The following OAT variants were observed in gnomAD, a reference collection of about 807,000 sequenced individuals.
OAT encodes ornithine aminotransferase, also known as ornithine aminotransferase, mitochondrial.
A neutral mutation model predicts 48.4 loss-of-function variants in OAT; 35 were observed. That is an observed-to-expected ratio of 0.72 (90% CI 0.55 to 0.96). The LOEUF (loss-of-function observed/expected upper bound fraction) is 0.96. OAT is among the 40% of genes least tolerant of loss of function. OAT has a pLI of 0.00. For synonymous variants in OAT, 182 were observed against 198.4 expected (o/e 0.92, Z 0.70); for missense variants, 438 against 537.9 (o/e 0.81, Z 1.84).
At chr10:124,409,875 C>G (rs979916003) in intron 2 of OAT, among the ~76,000 whole-genome samples, 7 of 152,124 alleles carry the variant, frequency 4.6e-5, no homozygotes, top group African/African-American at 1.7e-4. Flanking sequence ...GAGATACCAT[C>G]TCATACTCCC....
At chr10:124,399,106 A>C (rs1262104385) in intron 9 of OAT, among the ~76,000 whole-genome samples, 3 of 152,106 alleles carry the variant, frequency 2.0e-5, no homozygotes, top group Non-Finnish European at 4.4e-5. Context: ...ACAGATGATT[A>C]ACTGACATAA....
At chr10:124,406,860 T>TGG (rs1199437172) in intron 4 of OAT, 1 of 508,296 alleles carries the variant, frequency 2.0e-6, no homozygotes, top group Non-Finnish European at 2.5e-6. Context: ...GCAAGATCCC[T>TGG]ATCCTCAGGG....
chr10:124,403,713 G>A, intron 6 of OAT, 85 bp downstream of exon 6: 2 of 1,556,734 alleles, frequency 1.3e-6, no homozygotes, highest in South Asian at 2.2e-5. Flanking sequence ...AGAATTCAGA[G>A]AGGAGTTGGG....
intron 4 of OAT, chr10:124,407,276 C>T: frequency 1.0e-6 from 1 of 985,524 alleles, no homozygotes; most frequent in Non-Finnish European, 1.2e-6. Context: ...TCCTCAGTCA[C>T]TTACCCTGCA....
chr10:124,401,481 G>A (rs986767905), intron 8 of OAT, among the ~76,000 whole-genome samples: 2 of 152,244 alleles, frequency 1.3e-5, no homozygotes, highest in African/African-American at 2.4e-5. Context: ...GCCAGCCAGG[G>A]CCGAAGAACT....
At chr10:124,417,962 G>A (rs747476347) in intron 1 of OAT, among the ~76,000 whole-genome samples, 29 of 152,236 alleles carry the variant, frequency 1.9e-4, no homozygotes, top group Non-Finnish European at 4.1e-4. Flanking sequence ...CGAGTGCCCA[G>A]GTGACTTCGG....
intron 1 of OAT, chr10:124,414,047 A>T (rs1241841157): frequency 6.7e-6 from 1 of 148,916 alleles, no homozygotes. Context: ...AAAAAAAAAA[A>T]GCTTAAAGAT....
At chr10:124,406,223 G>T in intron 4 of OAT, 1 of 676,170 alleles carries the variant, frequency 1.5e-6, no homozygotes, top group Non-Finnish European at 1.8e-6. Context: ...AGGCACAGTG[G>T]CTCACTTATG....
At chr10:124,407,126 T>C in intron 4 of OAT, 2 of 985,442 alleles carry the variant, frequency 2.0e-6, no homozygotes, top group Non-Finnish European at 1.2e-6. Context: ...TTCACCAGCA[T>C]CCCTTACCCA....
Position 124,399,338 on chromosome 10 carries a change from C to CTTTT in OAT, c.1160-1240_1160-1237dup, listed in dbSNP as rs937720307. ...TTTTTAAGAAGCTCCCCAGGTGATT[C>CTTTT]TTTTTTTTTTTTTTTTTTTTTTTTT... is the stretch of plus-strand genomic sequence containing the variant. On this transcript the variant is annotated intron_variant, in intron 9 of 9. Transcript: ENST00000368845. Among the ~76,000 whole-genome samples the CTTTT allele has an allele frequency of 3.7e-3, 216 of 58,728 alleles. 2 individuals are homozygous for CTTTT. Among genetic ancestry groups the CTTTT allele is most frequent in the Admixed American group, 6.1e-3 (27 of 4,456 alleles). The allele number at this position is 58,728 out of a possible 152,430, so 38.5% of individuals were successfully genotyped here.
In OAT at chr10:124,413,267, T is replaced by TACACAC. The variant is rs58272470; in HGVS notation, c.-29-1073_-29-1068dup. 8.6e-3 allele frequency among the ~76,000 whole-genome samples: 1,162 copies of TACACAC among 134,612 alleles called. 7 individuals are homozygous for TACACAC. The highest frequency in any genetic ancestry group is 0.019 in the Middle Eastern group (5 of 270). The allele number at this position is 134,612 out of a possible 152,430, so 88.3% of individuals were successfully genotyped here. A position where few individuals can be genotyped will look rare whatever the true frequency, so the allele number is the denominator to read the frequency against. Reference sequence around the variant, plus strand: ...ACATATACATACATACATAAATACATACACACACACACACACACACACACA... The same window carrying TACACAC: ...ACATATACATACATACATAAATACATACACACACACACACACACACACACACACACA... On this transcript the variant is annotated intron_variant, in intron 1 of 9. Transcript: ENST00000368845.
Position 124,405,707 on chromosome 10 carries a change from TAAAAC to T in OAT, c.521-149_521-145del, listed in dbSNP as rs1951557793. ...GCACCTTCGGTGGGCTTTCAATTGT[TAAAAC>T]AAAGTCTGATATTAAACACCATGGC... On this transcript the variant is annotated intron_variant, in intron 4 of 9. Coordinates refer to ENST00000368845, the MANE Select transcript of OAT (RefSeq NM_000274.4). The T allele has an allele frequency of 2.7e-6, 4 of 1,498,282 alleles. No individual in the cohort carries two copies. The East Asian group carries it at 1.0e-4, about 39-fold the overall frequency. 92.8% of individuals were successfully genotyped at this position (1,498,282 alleles called of 1,614,324 possible).
In OAT at chr10:124,405,857, A is replaced by T. The variant is rs945733938; in HGVS notation, c.521-294T>A. On this transcript the variant is annotated intron_variant, in intron 4 of 9. Transcript: ENST00000368845. ...AGATAGATAACTTACTTTTCTTTCA[A>T]TAATCCCCAACCCAAAACCAAGCCC... is the stretch of plus-strand genomic sequence containing the variant. 1.1e-5 allele frequency: 13 copies of T among 1,211,854 alleles called. No individual in the cohort carries two copies. In the African/African-American group the frequency reaches 1.9e-4, roughly 18 times the overall value. 75.1% of individuals were successfully genotyped at this position (1,211,854 alleles called of 1,614,324 possible). A position where few individuals can be genotyped will look rare whatever the true frequency, so the allele number is the denominator to read the frequency against.
chr10:124,399,012 A>T (rs1160388267), intron 9 of OAT, among the ~76,000 whole-genome samples: 1 of 152,110 alleles, frequency 6.6e-6, no homozygotes, highest in Non-Finnish European at 1.5e-5. Flanking sequence ...ACTCCAGCCC[A>T]ACAGAGCAAG....
rs370084432 is a variant in OAT at position 124,411,139 on chromosome 10, C to CAAAA, written c.199+830_199+833dup. ...TGGGTGACAAAGCGACATTCCGTCT[C>CAAAA]AAAAAAAAAAAAAAAAAAAAAAAAA... is the stretch of plus-strand genomic sequence containing the variant. On this transcript the variant is annotated intron_variant, in intron 2 of 9. Coordinates refer to ENST00000368845, the MANE Select transcript of OAT (RefSeq NM_000274.4). 7.6e-3 allele frequency among the ~76,000 whole-genome samples: 114 copies of CAAAA among 14,920 alleles called. 3 individuals are homozygous for CAAAA. Among genetic ancestry groups the CAAAA allele is most frequent in the East Asian group, 0.033 (8 of 246 alleles). The allele number at this position is 14,920 out of a possible 152,430, so 9.8% of individuals were successfully genotyped here. A position where few individuals can be genotyped will look rare whatever the true frequency, so the allele number is the denominator to read the frequency against.
intron 1 of OAT, chr10:124,414,405 G>T (rs1951852642): frequency 6.6e-6 from 1 of 152,052 alleles, no homozygotes; most frequent in African/African-American, 2.4e-5. Context: ...CAAGATCCAG[G>T]GACAGTCTGC....
At chr10:124,408,343 A>ATT (rs146556713) in intron 4 of OAT, among the ~76,000 whole-genome samples, 199 bp downstream of exon 4, 1,434 of 83,748 alleles carry the variant, frequency 0.017, 32 homozygotes, top group African/African-American at 0.023. Context: ...ATATATATAT[A>ATT]TTTTTTTTTT....
At position 124,397,758 on chromosome 10, in the gene OAT, T is replaced by A. The variant is rs774996064; in HGVS notation, c.*184A>T. On this transcript the variant is annotated 3_prime_UTR_variant, in exon 10 of 10. Transcript: ENST00000368845. ...GATGCCATTACATTATTTAGTTACG[T>A]TACAAAGCAAACGGCAGGTTCATAA... The A allele has an allele frequency of 2.3e-4, 144 of 621,896 alleles. No individual in the cohort carries two copies. The Middle Eastern group carries it at 2.6e-3, about 11-fold the overall frequency. 38.5% of individuals were successfully genotyped at this position (621,896 alleles called of 1,614,324 possible).
chr10:124,398,075 C>A lies in OAT; in HGVS notation c.1187G>T (p.Arg396Leu), dbSNP rs776819570. The A allele has an allele frequency of 5.6e-6, 9 of 1,614,036 alleles. No homozygotes were observed. The highest frequency in any genetic ancestry group is 7.6e-6 in the Non-Finnish European group (9 of 1,179,970). The change falls in exon 10 of 10, where the codon CGA becomes CTA. Residue 396 changes from arginine (R) to leucine (L), a missense_variant. Physicochemically the swap from Arg to Leu is moderately radical, Grantham distance 102. Transcript: ENST00000368845. ...KDWDAWKVCL[R>L]LRDNGLLAKP... is the part of the protein sequence containing the mutation. Reference sequence around the variant, plus strand: ...GGCCAGAAGTCCATTATCTCGAAGTCGTAGACACACCTTCCAAGCATCCCA... The same window carrying A: ...GGCCAGAAGTCCATTATCTCGAAGTAGTAGACACACCTTCCAAGCATCCCA...
Sources: allele counts gnomAD v4.1 joint callset (sites outside exome capture counted in the v4.1 genomes callset), GRCh38; gene constraint gnomAD v4.1.1; transcripts MANE v1.5; gene names NCBI Gene and HGNC (gene_info 2026-07-23, HGNC 2026-07-21).